The following PXYLP1 variants were observed in gnomAD, a reference collection of about 807,000 sequenced individuals.
The protein encoded by PXYLP1 is acid phosphatase-like 2.
In PXYLP1, 17 loss-of-function variants were observed where a neutral mutation model predicts 37.9. The ratio of observed to expected loss-of-function variants is 0.45; its 90% confidence interval spans 0.31 to 0.67. The LOEUF (loss-of-function observed/expected upper bound fraction) is 0.67. Ranked by LOEUF, PXYLP1 falls within the 30% of genes least tolerant of loss-of-function variation. PXYLP1 has a pLI of 0.07. For missense variants in PXYLP1, 511 were observed against 612.0 expected (o/e 0.84, Z 1.74); for synonymous variants, 221 against 232.2 (o/e 0.95, Z 0.44).
intron 1 of PXYLP1, among the ~76,000 whole-genome samples, chr3:141,255,729 G>A (rs1257884532): frequency 2.0e-5 from 3 of 152,232 alleles, no homozygotes; most frequent in Admixed American, 1.3e-4. Flanking sequence ...GGCAGGAAGG[G>A]AACCAAGGAC....
intron 5 of PXYLP1, chr3:141,291,752 T>G (rs72984522): frequency 6.4e-6 from 1 of 157,140 alleles, no homozygotes; most frequent in East Asian, 1.9e-4. Flanking sequence ...GAACATTCGG[T>G]TGGCAGGCTG....
intron 5 of PXYLP1, among the ~76,000 whole-genome samples, chr3:141,289,276 C>CAAAAAAA (rs112480371): frequency 0.086 from 13,092 of 151,410 alleles, 1,241 homozygotes; most frequent in African/African-American, 0.24. Context: ...GTTCTAGACA[C>CAAAAAAA]AAAAACAGAA....
At chr3:141,282,175 C>T (rs1431340703) in intron 4 of PXYLP1, among the ~76,000 whole-genome samples, 4 of 152,162 alleles carry the variant, frequency 2.6e-5, no homozygotes, top group African/African-American at 4.8e-5. Flanking sequence ...CCACTCTCCT[C>T]GTGCTCACTC....
Position 141,278,298 on chromosome 3 carries a change from C to A in PXYLP1, c.80-44C>A, listed in dbSNP as rs367637734. The A allele has an allele frequency of 3.1e-6, 5 of 1,607,870 alleles. No homozygotes were observed. The African/African-American group carries it at 6.7e-5, about 21-fold the overall frequency. ...GCGCTGGGCCTTGCAGCTGGCCTGGCGCCCCAGGAACTGTGCGTCACAACC... is the reference window on the plus strand; with the variant it reads ...GCGCTGGGCCTTGCAGCTGGCCTGGAGCCCCAGGAACTGTGCGTCACAACC... On this transcript the variant is annotated intron_variant, in intron 2 of 5. Transcript: ENST00000286353.
At chr3:141,280,695 A>G (rs1941932436) in intron 4 of PXYLP1, among the ~76,000 whole-genome samples, 1 of 152,234 alleles carries the variant, frequency 6.6e-6, no homozygotes, top group South Asian at 2.1e-4. Context: ...TGACTCCCCC[A>G]GGACTGTGGG....
chr3:141,269,889 A>G (rs1941618550), intron 2 of PXYLP1, among the ~76,000 whole-genome samples: 1 of 152,244 alleles, frequency 6.6e-6, no homozygotes, highest in Non-Finnish European at 1.5e-5. Flanking sequence ...CAGCTCCCAG[A>G]AGAGTGTGGG....
chr3:141,288,630 A>T (rs1942129767), intron 5 of PXYLP1, among the ~76,000 whole-genome samples: 1 of 152,220 alleles, frequency 6.6e-6, no homozygotes, highest in African/African-American at 2.4e-5. Flanking sequence ...ATGGTGCCTC[A>T]TGCCTGTAAT....
At position 141,279,500 on chromosome 3, in the gene PXYLP1, A is replaced by G; in HGVS notation, c.361A>G (p.Asn121Asp). The G allele has an allele frequency of 6.2e-7, 1 of 1,614,240 alleles. No homozygotes were observed. Among genetic ancestry groups the G allele is most frequent in the Non-Finnish European group, 8.5e-7 (1 of 1,180,032 alleles). ...AGAAATTGACTGCACTCTGGTGGCT[A>G]ACAGGTAAATTGCACTTTTTCTAAA... ...RPEIDCTLVA[N>D]RKPYHPKLEA... Residue 121 changes from asparagine to aspartate, a missense_variant, in exon 4 of 6, where the codon AAC (asparagine) becomes GAC (aspartate). Coordinates refer to ENST00000286353, the MANE Select transcript of PXYLP1 (RefSeq NM_001037172.3).
chr3:141,233,468 A>C (rs1012251662), intron 1 of PXYLP1, among the ~76,000 whole-genome samples: 177 of 150,888 alleles, frequency 1.2e-3, no homozygotes, highest in Non-Finnish European at 2.2e-3. Flanking sequence ...CCTGTCAAAA[A>C]AAAAAAAAAA....
intron 1 of PXYLP1, among the ~76,000 whole-genome samples, chr3:141,240,459 T>A (rs6439986): frequency 0.22 from 33,068 of 151,746 alleles, 4,568 homozygotes; most frequent in African/African-American, 0.39. Flanking sequence ...GGAAGGAACA[T>A]GGAGGATGGT....
Position 141,292,955 on chromosome 3 carries a change from G to C in PXYLP1, c.1193G>C (p.Arg398Thr). The change falls in exon 6 of 6, where the codon AGG (arginine) becomes ACG (threonine). Residue 398 changes from arginine (R) to threonine (T), a missense_variant. Arg to Thr is a moderately conservative substitution (Grantham distance 71). Transcript: ENST00000286353. This position sits in a 1 kb window ranked among gnomAD's most constrained non-coding sequence, Gnocchi z 4.3. ...GGCCTTTCAGAAGCCAGGTTCCCAA[G>C]GTTTGCAGCCAGGTTGATCTTTGAG... ...ALGLSEARFP[R>T]FAARLIFELW... 2 of 1,614,194 alleles carry C rather than the reference G, an allele frequency of 1.2e-6. No individual in the cohort carries two copies. The highest frequency in any genetic ancestry group is 1.7e-6 in the Non-Finnish European group (2 of 1,180,032).
At chr3:141,274,100 G>C (rs73232948) in intron 2 of PXYLP1, 4 of 992,680 alleles carry the variant, frequency 4.0e-6, no homozygotes, top group Admixed American at 5.8e-5. Context: ...CTAGAGGCAC[G>C]GGGGGCCTGG....
At chr3:141,235,374 A>G (rs1185234716) in intron 1 of PXYLP1, 1 of 152,248 alleles carries the variant, frequency 6.6e-6, no homozygotes, top group East Asian at 1.9e-4. Context: ...CTGGGAAGCC[A>G]CTTTACCATG....
chr3:141,294,673 T>C lies in PXYLP1; in HGVS notation c.*1468T>C, dbSNP rs1317895292. The C allele has an allele frequency of 1.3e-5, 2 of 152,248 alleles. No homozygotes were observed. Among genetic ancestry groups the C allele is most frequent in the Non-Finnish European group, 2.9e-5 (2 of 68,040 alleles). 9.4% of individuals were successfully genotyped at this position (152,248 alleles called of 1,614,324 possible). On this transcript the variant is annotated 3_prime_UTR_variant, in exon 6 of 6. Transcript: ENST00000286353. Reference sequence around the variant, plus strand: ...CTAATGGTTTGTACCTATAAGTCACTCGAGTTATTTTCAAGTGAGAGCCAG... The same window carrying C: ...CTAATGGTTTGTACCTATAAGTCACCCGAGTTATTTTCAAGTGAGAGCCAG...
At chr3:141,275,517 A>C (rs982674359) in intron 2 of PXYLP1, among the ~76,000 whole-genome samples, 8 of 152,262 alleles carry the variant, frequency 5.3e-5, no homozygotes, top group African/African-American at 1.9e-4. Flanking sequence ...GATTTCACAA[A>C]AGAGCAGAAT....
intron 1 of PXYLP1, among the ~76,000 whole-genome samples, chr3:141,251,886 G>C (rs1013277914): frequency 7.2e-5 from 11 of 152,192 alleles, no homozygotes; most frequent in African/African-American, 2.7e-4. Context: ...TAGCTCACTT[G>C]TGGCTGGTGG....
At position 141,280,278 on chromosome 3, in the gene PXYLP1, A is replaced by G. The variant is rs895772952; in HGVS notation, c.365+774A>G. The stretch of plus-strand genomic sequence containing the variant: ...TTCTGGGATGCCAGCCTGCCCCGGG[A>G]GGGCGAGCCTGGTGGAGCCATGGAT... On this transcript the variant is annotated intron_variant, in intron 4 of 5. Coordinates refer to ENST00000286353, the MANE Select transcript of PXYLP1 (RefSeq NM_001037172.3). 2.2e-4 allele frequency among the ~76,000 whole-genome samples: 33 copies of G among 152,276 alleles called. No individual in the cohort carries two copies. The South Asian group carries it at 4.1e-3, about 19-fold the overall frequency.
At chr3:141,250,054 A>G (rs943545428) in intron 1 of PXYLP1, among the ~76,000 whole-genome samples, 1 of 152,254 alleles carries the variant, frequency 6.6e-6, no homozygotes, top group African/African-American at 2.4e-5. Flanking sequence ...AAAATACTAA[A>G]TCTGCAGATT....
rs115346214 is a variant in PXYLP1 at position 141,246,150 on chromosome 3, G to A, written c.-53-13973G>A. ...GGTGGGGGGTAGGCTAGCAGTTAGA[G>A]GTCAATTCCAGCTTAGTATTAAAAG... On this transcript the variant is annotated intron_variant, in intron 1 of 5. Transcript: ENST00000286353. 4.2e-3 allele frequency among the ~76,000 whole-genome samples: 638 copies of A among 152,228 alleles called. 5 individuals are homozygous for A. The highest frequency in any genetic ancestry group is 0.014 in the African/African-American group (581 of 41,536).
Sources: gnomAD v4.1 joint callset for allele counts (sites outside exome capture counted in the v4.1 genomes callset) on GRCh38, gnomAD v4.1.1 for gene constraint, Gnocchi (gnomAD v3.1) non-coding constraint, MANE v1.5 for transcripts, NCBI Gene and HGNC (gene_info 2026-07-23, HGNC 2026-07-21) for gene names.